Variants in SELPLG observed in about 807,000 individuals in gnomAD.
SELPLG encodes the protein selectin P ligand, also known as P-selectin glycoprotein ligand 1.
In SELPLG, 2 loss-of-function variants were observed where a neutral mutation model predicts 1.1. The observed-to-expected ratio is 1.82, with a 90% CI of 0.74 to 5.71. SELPLG has a LOEUF of 5.71. Ranked by LOEUF, SELPLG falls within the 30% of genes most tolerant of loss-of-function variation. SELPLG has a pLI of 0.05. For missense variants in SELPLG, 478 were observed against 524.7 expected (o/e 0.91, Z 0.87); for synonymous variants, 230 against 221.2 (o/e 1.04, Z -0.35).
Position 108,623,949 on chromosome 12 carries a change from T to C in SELPLG, c.359A>G (p.Glu120Gly). 2 of 1,614,130 alleles carry C rather than the reference T, an allele frequency of 1.2e-6. No homozygotes were observed. The highest frequency in any genetic ancestry group is 1.7e-6 in the Non-Finnish European group (2 of 1,180,020). The part of the protein sequence containing the change: ...GNLSTDSAAM[E>G]IQTTQPAATE... Reference sequence around the variant, plus strand: ...GGCTGCTGGTTGAGTGGTCTGTATCTCCATAGCTGCTGAATCCGTGGACAG... The same window carrying C: ...GGCTGCTGGTTGAGTGGTCTGTATCCCCATAGCTGCTGAATCCGTGGACAG... The change falls in exon 2 of 2, where the codon GAG (glutamate) becomes GGG (glycine). Residue 120 changes from glutamate to glycine, a missense_variant. Physicochemically the swap from Glu to Gly is moderately conservative, Grantham distance 98. Coordinates refer to ENST00000550948, the MANE Select transcript of SELPLG (RefSeq NM_003006.4).
intron 1 of SELPLG, among the ~76,000 whole-genome samples, chr12:108,625,446 G>A (rs573790684): frequency 1.4e-4 from 21 of 152,286 alleles, no homozygotes; most frequent in Admixed American, 3.9e-4. Flanking sequence ...TTAGCACTTC[G>A]TTTGCATGAC....
chr12:108,628,043 T>C (rs949573198), intron 1 of SELPLG, among the ~76,000 whole-genome samples: 6 of 151,990 alleles, frequency 3.9e-5, no homozygotes, highest in Admixed American at 1.3e-4. Flanking sequence ...ATCATGCCAC[T>C]GCACCCCAGC....
chr12:108,629,339 C>T (rs1466625123), intron 1 of SELPLG, among the ~76,000 whole-genome samples: 1 of 152,206 alleles, frequency 6.6e-6, no homozygotes, highest in African/African-American at 2.4e-5. Context: ...TGGTCCCTGC[C>T]ATCCCACTGG....
rs761546859 is a variant in SELPLG, at chr12:108,623,547, G to A, written c.761C>T (p.Thr254Ile). Residue 254 changes from threonine (T) to isoleucine (I), a missense_variant, in exon 2 of 2, where the codon ACT becomes ATT. Transcript: ENST00000550948. ...TQPTATEAQTTPLAAMEALST... is the reference protein window; with the variant it reads ...TQPTATEAQTIPLAAMEALST... ...CAGGGCCTCCATGGCTGCCAGTGGA[G>A]TGGTCTGTGCCTCCGTGGCTGTGGG... 15 of 1,614,026 alleles carry A rather than the reference G, an allele frequency of 9.3e-6. No homozygotes were observed. The highest frequency in any genetic ancestry group is 1.7e-6 in the Non-Finnish European group (2 of 1,179,980).
rs1203331929 is a variant in SELPLG at position 108,624,151 on chromosome 12, A to T, written c.157T>A (p.Phe53Ile). 1.2e-6 allele frequency: 2 copies of T among 1,614,136 alleles called. No homozygotes were observed. The highest frequency in any genetic ancestry group is 1.7e-5 in the Admixed American group (1 of 60,012). ...ATEYEYLDYD[F>I]LPETEPPEML... Reference sequence around the variant, plus strand: ...TCTGGAGGCTCCGTTTCTGGCAGGAAATCATAATCTAGGTACTCATATTCG... The same window carrying T: ...TCTGGAGGCTCCGTTTCTGGCAGGATATCATAATCTAGGTACTCATATTCG... Residue 53 changes from phenylalanine (F) to isoleucine (I), a missense_variant, in exon 2 of 2, where the codon TTC becomes ATC. Coordinates refer to ENST00000550948, the MANE Select transcript of SELPLG (RefSeq NM_003006.4).
rs201770768 is a variant in SELPLG at position 108,623,531 on chromosome 12, C to T, written c.777G>A (p.Met259Ile). 5.6e-4 allele frequency: 912 copies of T among 1,614,222 alleles called. 2 individuals are homozygous for T. The highest frequency in any genetic ancestry group is 4.9e-4 in the Non-Finnish European group (579 of 1,180,022). Residue 259 changes from methionine (M) to isoleucine (I), a missense_variant, in exon 2 of 2, where the codon ATG (methionine) becomes ATA (isoleucine). Physicochemically the swap from Met to Ile is conservative, Grantham distance 10. Transcript: ENST00000550948. ...TEAQTTPLAA[M>I]EALSTEPSAT... ...CACTGGGTTCTGTGGACAGGGCCTC[C>T]ATGGCTGCCAGTGGAGTGGTCTGTG...
At chr12:108,631,913 A>G in intron 1 of SELPLG, 1 of 1,535,490 alleles carries the variant, frequency 6.5e-7, no homozygotes, top group South Asian at 1.2e-5. Context: ...TTCCTGTTCA[A>G]GTTCAGCAAA....
chr12:108,622,958 C>T lies in SELPLG; in HGVS notation c.*111G>A. 8.5e-7 allele frequency: 1 copy of T among 1,180,334 alleles called. No homozygotes were observed. Among genetic ancestry groups the T allele is most frequent in the Non-Finnish European group, 1.1e-6 (1 of 872,946 alleles). The allele number at this position is 1,180,334 out of a possible 1,614,324, so 73.1% of individuals were successfully genotyped here. A position where few individuals can be genotyped will look rare whatever the true frequency, so the allele number is the denominator to read the frequency against. ...AGTTCCTTCCCTGAAGATCCCCATC[C>T]CCAGGGGTCTCCGAGGAAGCCCAGA... On this transcript the variant is annotated 3_prime_UTR_variant, in exon 2 of 2. Coordinates refer to ENST00000550948, the MANE Select transcript of SELPLG (RefSeq NM_003006.4).
At chr12:108,632,022 TCA>T in intron 1 of SELPLG, 1 of 1,151,102 alleles carries the variant, frequency 8.7e-7, no homozygotes, top group South Asian at 1.4e-5. Context: ...CCTTCAAGCC[TCA>T]GTTTTCTCAT....
At chr12:108,631,081 G>A (rs2032040658) in intron 1 of SELPLG, among the ~76,000 whole-genome samples, 1 of 152,188 alleles carries the variant, frequency 6.6e-6, no homozygotes, top group Non-Finnish European at 1.5e-5. Context: ...CTGCAGAAGA[G>A]GACATGTGAC....
At chr12:108,631,613 A>T (rs2032055025) in intron 1 of SELPLG, among the ~76,000 whole-genome samples, 1 of 152,084 alleles carries the variant, frequency 6.6e-6, no homozygotes, top group Non-Finnish European at 1.5e-5. Context: ...GTGGCTTGCA[A>T]ACCACAGTGT....
Position 108,624,303 on chromosome 12 carries a change from G to A in SELPLG, c.5C>T (p.Pro2Leu). The A allele has an allele frequency of 1.2e-6, 2 of 1,613,464 alleles. No homozygotes were observed. Among genetic ancestry groups the A allele is most frequent in the Non-Finnish European group, 1.7e-6 (2 of 1,179,622 alleles). MPLQLLLLLILL... is the reference protein window; with the variant it reads MLLQLLLLLILL... ...GATCAGCAACAGGAGGAGTTGCAGAGGCATGGCACCTAGGAGGAGACAATG... is the reference window on the plus strand; with the variant it reads ...GATCAGCAACAGGAGGAGTTGCAGAAGCATGGCACCTAGGAGGAGACAATG... Residue 2 changes from proline to leucine, a missense_variant, in exon 2 of 2, where the codon CCT becomes CTT. By Grantham distance (98) the Pro-to-Leu change is moderately conservative. Coordinates refer to ENST00000550948, the MANE Select transcript of SELPLG (RefSeq NM_003006.4).
rs549652683 is a variant in SELPLG at position 108,625,583 on chromosome 12, C to T, written c.-5-1271G>A. On this transcript the variant is annotated intron_variant, in intron 1 of 1. Coordinates refer to ENST00000550948, the MANE Select transcript of SELPLG (RefSeq NM_003006.4). ...GAAAACTCAAATCTCTTCAGAACAGCCCTGCTCTCAGGAAGCTTATAGTCA... is the reference window on the plus strand; with the variant it reads ...GAAAACTCAAATCTCTTCAGAACAGTCCTGCTCTCAGGAAGCTTATAGTCA... 5.6e-4 allele frequency among the ~76,000 whole-genome samples: 86 copies of T among 152,324 alleles called. 1 individual carries two copies. The highest frequency in any genetic ancestry group is 2.0e-3 in the African/African-American group (82 of 41,562).
In SELPLG at chr12:108,623,997, G is replaced by A. The variant is rs147444406; in HGVS notation, c.311C>T (p.Thr104Met). The change falls in exon 2 of 2, where the codon ACG becomes ATG. Residue 104 changes from threonine to methionine, a missense_variant. Thr to Met is a moderately conservative substitution (Grantham distance 81). Transcript: ENST00000550948. The part of the protein sequence containing the change: ...DAGGAVTELT[T>M]ELANMGNLST... Reference sequence around the variant, plus strand: ...CAGGTTCCCCATGTTGGCCAGCTCCGTGGTCAGCTCTGTGACTGCCCCTCC... The same window carrying A: ...CAGGTTCCCCATGTTGGCCAGCTCCATGGTCAGCTCTGTGACTGCCCCTCC... The A allele has an allele frequency of 9.2e-4, 1,481 of 1,614,204 alleles. 4 individuals are homozygous for A. The highest frequency in any genetic ancestry group is 1.6e-3 in the Admixed American group (95 of 60,022).
In SELPLG at chr12:108,629,116, T is replaced by C. The variant is rs1191013462; in HGVS notation, c.-6+4624A>G. ...GAGATGGCGGCCTCTCTACCTCCCC[T>C]GTGGGTGTTTGGGCTTTGAGAAAGC... On this transcript the variant is annotated intron_variant, in intron 1 of 1. Transcript: ENST00000550948. Among the ~76,000 whole-genome samples, 5 of 152,186 alleles carry C rather than the reference T, an allele frequency of 3.3e-5. No homozygotes were observed. In the East Asian group the frequency reaches 5.8e-4, roughly 18 times the overall value.
At chr12:108,625,219 C>T (rs1400631534) in intron 1 of SELPLG, among the ~76,000 whole-genome samples, 2 of 152,140 alleles carry the variant, frequency 1.3e-5, no homozygotes, top group Admixed American at 1.3e-4. Context: ...GCCATGCCAC[C>T]TCTATATGTC....
At position 108,627,024 on chromosome 12, in the gene SELPLG, A is replaced by G. The variant is rs1315712263; in HGVS notation, c.-5-2712T>C. ...GAGGCCAAGGCAGGAGAATTGCTTG[A>G]ACCTGGGAGCCAGAGGTTGCAGTGA... On this transcript the variant is annotated intron_variant, in intron 1 of 1. Transcript: ENST00000550948. Among the ~76,000 whole-genome samples the G allele has an allele frequency of 2.0e-5, 3 of 152,164 alleles. No individual in the cohort carries two copies. The East Asian group carries it at 5.8e-4, about 29-fold the overall frequency.
chr12:108,629,972 A>C (rs1471047432), intron 1 of SELPLG, among the ~76,000 whole-genome samples: 1 of 152,184 alleles, frequency 6.6e-6, no homozygotes, highest in African/African-American at 2.4e-5. Flanking sequence ...CCCTGTGTTC[A>C]CTGGCTCTAA....
intron 1 of SELPLG, among the ~76,000 whole-genome samples, chr12:108,626,128 CTT>C (rs573374699): frequency 5.2e-4 from 65 of 125,722 alleles, no homozygotes; most frequent in Middle Eastern, 4.4e-3. Flanking sequence ...GGTTTCTTTT[CTT>C]TTTTTTTTTT....
Sources: gnomAD v4.1 joint callset for allele counts (sites outside exome capture counted in the v4.1 genomes callset) on GRCh38, gnomAD v4.1.1 for gene constraint, MANE v1.5 for transcripts, NCBI Gene and HGNC (gene_info 2026-07-23, HGNC 2026-07-21) for gene names.